PARD3B: variants seen among roughly 807,000 people sequenced by gnomAD.
PARD3B encodes the protein par-3 family cell polarity regulator beta.
Under a neutral mutation model 130.2 loss-of-function variants are expected in PARD3B, and 103 were observed. The observed-to-expected ratio is 0.79, with a 90% CI of 0.67 to 0.93. The LOEUF (loss-of-function observed/expected upper bound fraction) is 0.93. Ranked by LOEUF, PARD3B falls within the 40% of genes least tolerant of loss-of-function variation. The pLI, the probability that PARD3B is intolerant of heterozygous loss-of-function variation, is 0.00. For missense variants in PARD3B, 1,609 were observed against 1,499.2 expected (o/e 1.07, Z -1.21); for synonymous variants, 583 against 553.2 (o/e 1.05, Z -0.76).
At chr2:205,164,674 A>G (rs2034699829) in intron 11 of PARD3B, among the ~76,000 whole-genome samples, 2 of 152,124 alleles carry the variant, frequency 1.3e-5, no homozygotes, top group South Asian at 4.1e-4. Context: ...AAAAAATTTA[A>G]GGGTTGATAT....
chr2:205,241,611 G>GA lies in PARD3B; in HGVS notation c.2141-4161dup, dbSNP rs2039355813. Among the ~76,000 whole-genome samples the GA allele has an allele frequency of 6.6e-6, 1 of 152,068 alleles. No homozygotes were observed. The highest frequency in any genetic ancestry group is 2.1e-4 in the South Asian group (1 of 4,828). Reference sequence around the variant, plus strand: ...AAAAAAGAAAGAAGAAAGAAAAGGAGAAAAAATTCTGTCATCAGAACGAGA... The same window carrying GA: ...AAAAAAGAAAGAAGAAAGAAAAGGAGAAAAAAATTCTGTCATCAGAACGAGA... On this transcript the variant is annotated intron_variant, in intron 15 of 22. Transcript: ENST00000406610. The surrounding 1 kb of genome is among the most constrained non-coding windows in gnomAD (Gnocchi z 4.2).
intron 2 of PARD3B, among the ~76,000 whole-genome samples, chr2:204,716,168 T>C (rs1361414022): frequency 6.6e-6 from 1 of 152,182 alleles, no homozygotes; most frequent in Non-Finnish European, 1.5e-5. Flanking sequence ...TTGAGCTCTT[T>C]ACTATCCCTA....
chr2:205,581,255 T>TATATAGATATAGATAG (rs1553552250), intron 22 of PARD3B, among the ~76,000 whole-genome samples: 2,569 of 135,770 alleles, frequency 0.019, 60 homozygotes, highest in African/African-American at 0.051. Flanking sequence ...TATATAGATA[T>TATATAGATATAGATAG]ATATAGATAT....
At chr2:205,598,828 A>C (rs781642735) in intron 22 of PARD3B, among the ~76,000 whole-genome samples, 2 of 152,224 alleles carry the variant, frequency 1.3e-5, no homozygotes, top group Non-Finnish European at 2.9e-5. Context: ...AAAACCACAC[A>C]ATTACATGGA....
At chr2:205,540,790 T>C (rs1380019782) in intron 21 of PARD3B, among the ~76,000 whole-genome samples, 1 of 152,240 alleles carries the variant, frequency 6.6e-6, no homozygotes, top group East Asian at 1.9e-4. Flanking sequence ...TTGGCAAGCA[T>C]GCATTATTCT....
At chr2:205,045,026 A>C (rs905455556) in intron 3 of PARD3B, among the ~76,000 whole-genome samples, 9 of 152,034 alleles carry the variant, frequency 5.9e-5, no homozygotes. Flanking sequence ...GATACTCAAC[A>C]GGAGACATTC....
intron 21 of PARD3B, among the ~76,000 whole-genome samples, chr2:205,507,011 A>G (rs540310820): frequency 1.3e-4 from 20 of 152,168 alleles, no homozygotes; most frequent in African/African-American, 4.8e-4. Context: ...TCAAGGGGCT[A>G]CCTGAGGTAG....
At chr2:205,383,143 G>GAGAGATAGATAGATAGATAGAT (rs1285602415) in intron 18 of PARD3B, among the ~76,000 whole-genome samples, 1 of 135,510 alleles carries the variant, frequency 7.4e-6, no homozygotes, top group African/African-American at 2.9e-5. Context: ...TAGATAGATC[G>GAGAGATAGATAGATAGATAGAT]ATCTAAACTA....
chr2:205,369,111 A>G (rs1259070890), intron 18 of PARD3B, among the ~76,000 whole-genome samples: 1 of 152,190 alleles, frequency 6.6e-6, no homozygotes, highest in African/African-American at 2.4e-5. Flanking sequence ...TGTGGCTGCA[A>G]GAGAAATTGG....
chr2:205,524,895 G>A (rs1352034031), intron 21 of PARD3B, among the ~76,000 whole-genome samples: 2 of 152,166 alleles, frequency 1.3e-5, no homozygotes, highest in Non-Finnish European at 2.9e-5. Context: ...TCACACTGGT[G>A]CAAGTTTCAC....
intron 2 of PARD3B, among the ~76,000 whole-genome samples, chr2:204,763,138 TA>T (rs2040982844): frequency 6.6e-6 from 1 of 152,218 alleles, no homozygotes; most frequent in Admixed American, 6.5e-5. Flanking sequence ...ATAACATAGC[TA>T]TATGATTTCT....
intron 4 of PARD3B, among the ~76,000 whole-genome samples, chr2:205,102,607 A>G (rs566508039): frequency 1.8e-3 from 276 of 152,280 alleles, no homozygotes; most frequent in Admixed American, 4.6e-3. Context: ...CTACATGAAA[A>G]GGAGAAAATT....
At chr2:204,877,137 G>T (rs151145295) in intron 2 of PARD3B, among the ~76,000 whole-genome samples, 1 of 152,030 alleles carries the variant, frequency 6.6e-6, no homozygotes, top group African/African-American at 2.4e-5. Flanking sequence ...GCAAACTGTC[G>T]CAAGGACAGA....
Position 205,455,536 on chromosome 2 carries a change from T to G in PARD3B, c.3044+14864T>G, listed in dbSNP as rs78749209. 9.2e-3 allele frequency among the ~76,000 whole-genome samples: 1,407 copies of G among 152,142 alleles called. 18 individuals carry two copies. The highest frequency in any genetic ancestry group is 0.031 in the African/African-American group (1,285 of 41,548). On this transcript the variant is annotated intron_variant, in intron 20 of 22. Coordinates refer to ENST00000406610, the MANE Select transcript of PARD3B (RefSeq NM_001302769.2). The stretch of plus-strand genomic sequence containing the variant: ...TACAAAATGTTCTTAATTCTCAACT[T>G]TAGTAGATTTTTTTTTTCCATTTGG...
At chr2:205,614,564 G>C (rs951896008) in intron 22 of PARD3B, among the ~76,000 whole-genome samples, 2 of 152,014 alleles carry the variant, frequency 1.3e-5, no homozygotes, top group African/African-American at 2.4e-5. Flanking sequence ...AACTTAGTCA[G>C]GTGTAGTGGT....
At chr2:204,997,164 C>T (rs188525324) in intron 3 of PARD3B, among the ~76,000 whole-genome samples, 2 of 152,274 alleles carry the variant, frequency 1.3e-5, no homozygotes, top group East Asian at 1.9e-4. Context: ...TATAATACTC[C>T]GTGATATCTG....
chr2:205,522,480 A>G (rs1299414938), intron 21 of PARD3B, among the ~76,000 whole-genome samples: 1 of 152,082 alleles, frequency 6.6e-6, no homozygotes, highest in African/African-American at 2.4e-5. Flanking sequence ...TTGGCATAAT[A>G]TATGGTAACT....
In PARD3B at chr2:205,429,167, ATT is replaced by A. The variant is rs2047243314; in HGVS notation, c.2742-11202_2742-11201del. 3.9e-5 allele frequency among the ~76,000 whole-genome samples: 6 copies of A among 152,354 alleles called. No homozygotes were observed. The South Asian group carries it at 1.2e-3, about 32-fold the overall frequency. ...ATGTTATTACAAATGTGTATTATAT[ATT>A]ATGGACTTACATAAAAAACCATAAG... On this transcript the variant is annotated intron_variant, in intron 19 of 22. Transcript: ENST00000406610.
At chr2:204,711,397 GATA>G (rs1268043324) in intron 2 of PARD3B, among the ~76,000 whole-genome samples, 4 of 152,098 alleles carry the variant, frequency 2.6e-5, no homozygotes, top group South Asian at 2.1e-4. Context: ...TGTATGAACA[GATA>G]ATAAAGTTTT....
Sources: gnomAD v4.1 joint callset for allele counts (sites outside exome capture counted in the v4.1 genomes callset) on GRCh38, gnomAD v4.1.1 for gene constraint, Gnocchi (gnomAD v3.1) non-coding constraint, MANE v1.5 for transcripts, NCBI Gene and HGNC (gene_info 2026-07-23, HGNC 2026-07-21) for gene names.